The following RGS6 variants were observed in gnomAD, a reference collection of about 807,000 sequenced individuals.
RGS6 encodes the protein regulator of G protein signaling 6, also known as regulator of G-protein signaling 6.
Under a neutral mutation model 78.5 loss-of-function variants are expected in RGS6, and 30 were observed. That is an observed-to-expected ratio of 0.38 (90% confidence interval 0.29 to 0.52). RGS6 has a LOEUF of 0.52. Ranked by LOEUF, RGS6 falls within the 20% of genes least tolerant of loss-of-function variation. The pLI, the probability that RGS6 is intolerant of heterozygous loss-of-function variation, is 0.85. For missense variants in RGS6, 495 were observed against 609.7 expected (o/e 0.81, Z 1.98); for synonymous variants, 206 against 206.0 (o/e 1.00, Z 0.00).
At chr14:72,248,959 A>G (rs1201186503) in intron 2 of RGS6, among the ~76,000 whole-genome samples, 2 of 152,224 alleles carry the variant, frequency 1.3e-5, no homozygotes, top group South Asian at 4.1e-4. Flanking sequence ...TAAGGCTTGC[A>G]GCTATAACTG....
At chr14:72,309,343 T>C (rs369553448) in intron 2 of RGS6, among the ~76,000 whole-genome samples, 117 of 152,336 alleles carry the variant, frequency 7.7e-4, no homozygotes, top group African/African-American at 2.6e-3. Flanking sequence ...TTTGTAATCG[T>C]GGTTGCAAAT....
At chr14:72,518,154 CT>C (rs2096978845) in intron 14 of RGS6, among the ~76,000 whole-genome samples, 196 bp from the exon 15 acceptor site, 1 of 152,204 alleles carries the variant, frequency 6.6e-6, no homozygotes, top group African/African-American at 2.4e-5. Flanking sequence ...ATATGCAATT[CT>C]TTTCTGTTCT....
chr14:72,470,016 G>A lies in RGS6; in HGVS notation c.469G>A (p.Ala157Thr). 6.2e-7 allele frequency: 1 copy of A among 1,612,848 alleles called. No homozygotes were observed. The change falls in exon 8 of 18, where the codon GCA becomes ACA. Residue 157 changes from alanine to threonine, a missense_variant. Transcript: ENST00000553525. ...ELADYEAENL[A>T]RLQRAFARKW... is the part of the protein sequence containing the mutation. ...TTTCATTTCTCATTAGGAAAACTTA[G>A]CAAGACTCCAGAGGGCCTTTGCGAG...
intron 14 of RGS6, chr14:72,514,169 C>G (rs371612861): frequency 6.6e-6 from 1 of 152,116 alleles, no homozygotes; most frequent in Non-Finnish European, 1.5e-5. Context: ...GTAGGCACCC[C>G]GGAATTTTAG....
At chr14:72,497,602 A>G (rs1306377933) in intron 13 of RGS6, among the ~76,000 whole-genome samples, 1 of 152,198 alleles carries the variant, frequency 6.6e-6, no homozygotes, top group East Asian at 1.9e-4. Context: ...AACAAACAAG[A>G]GTGAAGTATA....
Position 72,328,870 on chromosome 14 carries a change from TTTTA to T in RGS6, c.85-23213_85-23210del, listed in dbSNP as rs1334850266. Among the ~76,000 whole-genome samples the T allele has an allele frequency of 2.6e-5, 4 of 152,326 alleles. 1 individual carries two copies. Among genetic ancestry groups the T allele is most frequent in the Admixed American group, 2.0e-4 (3 of 15,300 alleles). ...CTTGCATATACTATTTCTTATTTTA[TTTTA>T]TTTATTTATTTTTTGAGACAGAGTT... On this transcript the variant is annotated intron_variant, in intron 2 of 17. Transcript: ENST00000553525.
intron 2 of RGS6, among the ~76,000 whole-genome samples, chr14:72,250,784 C>A (rs1030925752): frequency 1.3e-5 from 2 of 152,148 alleles, no homozygotes; most frequent in African/African-American, 4.8e-5. Flanking sequence ...AACACAAAGT[C>A]CCTAGTCTTT....
At chr14:72,321,481 C>T (rs576082873) in intron 2 of RGS6, among the ~76,000 whole-genome samples, 9 of 151,884 alleles carry the variant, frequency 5.9e-5, no homozygotes, top group African/African-American at 1.9e-4. Flanking sequence ...CAAAGTGTCT[C>T]GCAAACTTGA....
chr14:72,624,432 G>A, the RGS6 span, among the ~76,000 whole-genome samples: 17 of 145,690 alleles, frequency 1.2e-4, no homozygotes, highest in African/African-American at 3.0e-4. Flanking sequence ...TCCTTCTCCC[G>A]GGCTCAAGCA....
intron 3 of RGS6, among the ~76,000 whole-genome samples, chr14:72,435,217 C>T (rs1397001531): frequency 1.3e-5 from 2 of 152,156 alleles, no homozygotes; most frequent in East Asian, 3.8e-4. Context: ...GGTATATTTC[C>T]TCAAGATGGA....
chr14:72,300,723 G>A (rs528449726), intron 2 of RGS6, among the ~76,000 whole-genome samples: 4 of 152,206 alleles, frequency 2.6e-5, no homozygotes, highest in Non-Finnish European at 4.4e-5. Flanking sequence ...TTGAATGCAG[G>A]CATGCGGAAT....
intron 2 of RGS6, among the ~76,000 whole-genome samples, chr14:72,199,978 A>G (rs1327937981): frequency 6.6e-6 from 1 of 152,220 alleles, no homozygotes; most frequent in Non-Finnish European, 1.5e-5. Flanking sequence ...TGCAGAGTCC[A>G]AAGTCTTTAT....
intron 2 of RGS6, among the ~76,000 whole-genome samples, chr14:72,332,321 G>A (rs1345412134): frequency 6.6e-6 from 1 of 152,238 alleles, no homozygotes; most frequent in African/African-American, 2.4e-5. Context: ...CGGTAGGTTT[G>A]CCTGCATGCT....
intron 2 of RGS6, among the ~76,000 whole-genome samples, chr14:72,055,225 G>A (rs894542345): frequency 1.4e-4 from 22 of 152,152 alleles, no homozygotes; most frequent in African/African-American, 4.3e-4. Flanking sequence ...TTTCAGGGTC[G>A]CTATATCCAT....
chr14:72,086,517 C>T (rs2095045834), intron 2 of RGS6, among the ~76,000 whole-genome samples: 1 of 152,138 alleles, frequency 6.6e-6, no homozygotes, highest in African/African-American at 2.4e-5. Flanking sequence ...CTTCTTTGCT[C>T]TTGCATCTCT....
rs2153559790 is a variant in RGS6, at chr14:72,566,202, A to G, written c.*3735A>G. ...GGGCTAGACCCAGGGGCCATAAAGT[A>G]GCAAAGTAGCAAATGTAGCAATAAA... On this transcript the variant is annotated 3_prime_UTR_variant, in exon 18 of 18. Transcript: ENST00000553525. The G allele has an allele frequency of 6.6e-6, 1 of 152,328 alleles. No individual in the cohort carries two copies. The highest frequency in any genetic ancestry group is 1.9e-4 in the East Asian group (1 of 5,174). The allele number at this position is 152,328 out of a possible 1,614,324, so 9.4% of individuals were successfully genotyped here.
intron 2 of RGS6, among the ~76,000 whole-genome samples, chr14:72,047,097 C>T (rs780857379): frequency 4.6e-5 from 7 of 152,126 alleles, no homozygotes; most frequent in East Asian, 1.9e-4. Flanking sequence ...CAGTAACTTG[C>T]GTAGACAGCT....
intron 13 of RGS6, among the ~76,000 whole-genome samples, chr14:72,509,121 T>C (rs2096847255): frequency 6.6e-6 from 1 of 152,080 alleles, no homozygotes; most frequent in South Asian, 2.1e-4. Context: ...TCCCAGCACT[T>C]TGGGAGGCTG....
At chr14:72,115,399 G>A (rs1198279279) in intron 2 of RGS6, among the ~76,000 whole-genome samples, 2 of 152,178 alleles carry the variant, frequency 1.3e-5, no homozygotes, top group Non-Finnish European at 2.9e-5. Flanking sequence ...AACCCATGGG[G>A]ATAAGCTGGA....
Sources: allele counts gnomAD v4.1 joint callset (sites outside exome capture counted in the v4.1 genomes callset), GRCh38; gene constraint gnomAD v4.1.1; transcripts MANE v1.5; gene names NCBI Gene and HGNC (gene_info 2026-07-23, HGNC 2026-07-21).